Variants in ESF1 observed in about 807,000 individuals in gnomAD.
ESF1 encodes ESF1 homolog.
A neutral mutation model predicts 92.0 loss-of-function variants in ESF1; 58 were observed. The observed-to-expected ratio is 0.63, with a 90% CI of 0.51 to 0.78. The LOEUF (loss-of-function observed/expected upper bound fraction) is 0.78. Ranked by LOEUF, ESF1 falls within the 30% of genes least tolerant of loss-of-function variation. The probability of loss-of-function intolerance (pLI) is 0.00; values close to 1 mark genes in which losing one functional copy is unlikely to be tolerated. For missense variants in ESF1, 922 were observed against 989.1 expected, an observed-to-expected ratio of 0.93 and a Z score of 0.91; for synonymous variants, 321 against 313.7, an observed-to-expected ratio of 1.02 and a Z score of -0.24.
intron 9 of ESF1, among the ~76,000 whole-genome samples, chr20:13,753,917 G>A (rs919499219): frequency 3.3e-5 from 5 of 152,174 alleles, no homozygotes; most frequent in African/African-American, 9.7e-5. Flanking sequence ...GGACCACTAG[G>A]CATAAGTTAA....
At position 13,728,365 on chromosome 20, in the gene ESF1, T is replaced by C. The variant is rs1466942067; in HGVS notation, c.2038+13A>G. On this transcript the variant is annotated intron_variant, in intron 11 of 13. Coordinates refer to ENST00000617257, the MANE Select transcript of ESF1 (RefSeq NM_001276380.2). The stretch of plus-strand genomic sequence containing the variant: ...AGATTCCAGTTGAAAACTACAGATA[T>C]GAGCTGGCTTACCTATTTGTTTAAC... 3.8e-6 allele frequency: 6 copies of C among 1,594,024 alleles called. No individual in the cohort carries two copies. The highest frequency in any genetic ancestry group is 1.7e-5 in the Admixed American group (1 of 57,154).
At chr20:13,756,575 T>C (rs543842283) in intron 9 of ESF1, among the ~76,000 whole-genome samples, 6 of 152,276 alleles carry the variant, frequency 3.9e-5, no homozygotes, top group Admixed American at 1.3e-4. Context: ...CCTATGAAAA[T>C]AATTCAAAAT....
chr20:13,782,748 T>C lies in ESF1; in HGVS notation c.393A>G (p.Leu131=). 2.5e-6 allele frequency: 4 copies of C among 1,595,754 alleles called. No individual in the cohort carries two copies. Among genetic ancestry groups the C allele is most frequent in the Non-Finnish European group, 3.4e-6 (4 of 1,174,952 alleles). The part of the protein sequence containing the change: ...NHKGSENKTD[L]DNSIGIKKMK... Reference sequence around the variant, plus strand: ...TTTTTTTAATTCCTATAGAATTATCTAAATCAGTTTTATTTTCAGAACCCT... The same window carrying C: ...TTTTTTTAATTCCTATAGAATTATCCAAATCAGTTTTATTTTCAGAACCCT... Residue 131 remains leucine (L), a synonymous_variant, in exon 2 of 14, where the codon TTA becomes TTG. Coordinates refer to ENST00000617257, the MANE Select transcript of ESF1 (RefSeq NM_001276380.2).
intron 8 of ESF1, among the ~76,000 whole-genome samples, chr20:13,766,053 T>G (rs1979412690): frequency 1.3e-5 from 2 of 152,124 alleles, no homozygotes; most frequent in Admixed American, 6.5e-5. Flanking sequence ...GAAAAGACAA[T>G]TAGTGATCTG....
At chr20:13,745,952 T>C (rs762671287) in intron 9 of ESF1, among the ~76,000 whole-genome samples, 3 of 152,124 alleles carry the variant, frequency 2.0e-5, no homozygotes, top group Non-Finnish European at 4.4e-5. Context: ...TGTCTGTGGC[T>C]GTATGTGTTC....
In ESF1 at chr20:13,771,369, G is replaced by A. The variant is rs147328501; in HGVS notation, c.1365C>T (p.Gly455=). The A allele has an allele frequency of 2.5e-5, 40 of 1,612,278 alleles. No individual in the cohort carries two copies. In the African/African-American group the frequency reaches 4.8e-4, roughly 19 times the overall value. The change falls in exon 6 of 14, where the codon GGC becomes GGT. Residue 455 remains glycine (G), a synonymous_variant. Transcript: ENST00000617257. ...AAGAACAACTACTTTCAAATTCCAG[G>A]CCATCACAATCCTCATAAATTTTAC... The part of the protein sequence containing the change: ...TASKIYEDCD[G]LEFESSCSFI...
chr20:13,775,078 T>C, intron 4 of ESF1, 79 bp downstream of exon 4: 2 of 839,390 alleles, frequency 2.4e-6, no homozygotes, highest in Non-Finnish European at 3.5e-6. Flanking sequence ...AGGAAAACTA[T>C]GGCCAAAAAA....
Position 13,776,258 on chromosome 20 carries a change from A to AT in ESF1, c.649dup (p.Ile217AsnfsTer7). 1 of 1,611,916 alleles carries AT rather than the reference A, an allele frequency of 6.2e-7. No homozygotes were observed. Among genetic ancestry groups the AT allele is most frequent in the Non-Finnish European group, 8.5e-7 (1 of 1,179,196 alleles). ...ATAACCATCACTGTCTCTTGTCATTATGAGTTGAACCACTGCAAAATGTTA... is the reference window on the plus strand; with the variant it reads ...ATAACCATCACTGTCTCTTGTCATTATTGAGTTGAACCACTGCAAAATGTTA... On this transcript the variant is annotated frameshift_variant, in exon 3 of 14. Coordinates refer to ENST00000617257, the MANE Select transcript of ESF1 (RefSeq NM_001276380.2). LOFTEE classifies it high-confidence loss of function.
At chr20:13,726,293 CA>C (rs1333882111) in intron 11 of ESF1, among the ~76,000 whole-genome samples, 1 of 152,198 alleles carries the variant, frequency 6.6e-6, no homozygotes, top group Non-Finnish European at 1.5e-5. Flanking sequence ...CAAAGCCCTA[CA>C]GGGGTAGTTT....
At chr20:13,764,917 T>TAAAAAA (rs141430960) in intron 8 of ESF1, among the ~76,000 whole-genome samples, 3 of 143,604 alleles carry the variant, frequency 2.1e-5, no homozygotes, top group African/African-American at 7.7e-5. Flanking sequence ...TTTCAAACAT[T>TAAAAAA]AAAAAAAAAA....
chr20:13,744,624 T>C (rs2050036273), intron 9 of ESF1, among the ~76,000 whole-genome samples: 1 of 152,210 alleles, frequency 6.6e-6, no homozygotes, highest in Non-Finnish European at 1.5e-5. Context: ...TTATTATTCT[T>C]GGACACATCA....
At chr20:13,730,662 G>A (rs867230596) in intron 10 of ESF1, among the ~76,000 whole-genome samples, 21 of 151,600 alleles carry the variant, frequency 1.4e-4, no homozygotes, top group African/African-American at 5.1e-4. Context: ...GGGTTTACAA[G>A]CATGAGCCAC....
chr20:13,729,445 G>A (rs2049927097), intron 10 of ESF1, among the ~76,000 whole-genome samples: 1 of 152,162 alleles, frequency 6.6e-6, no homozygotes, highest in African/African-American at 2.4e-5. Flanking sequence ...TTCAAGATAG[G>A]AAGGGTTAGG....
At chr20:13,772,048 G>C (rs941060840) in intron 5 of ESF1, among the ~76,000 whole-genome samples, 1 of 149,814 alleles carries the variant, frequency 6.7e-6, no homozygotes, top group African/African-American at 2.5e-5. Context: ...GCTCCACCTA[G>C]TGGCTTAAAA....
intron 8 of ESF1, among the ~76,000 whole-genome samples, chr20:13,761,547 A>T (rs1979203011): frequency 6.6e-6 from 1 of 152,182 alleles, no homozygotes; most frequent in Admixed American, 6.5e-5. Context: ...GCAGCTATTC[A>T]GCCTGAAGAG....
chr20:13,746,527 A>T (rs2050049676), intron 9 of ESF1, among the ~76,000 whole-genome samples: 1 of 152,090 alleles, frequency 6.6e-6, no homozygotes, highest in African/African-American at 2.4e-5. Context: ...ATCACAATAA[A>T]CTGTTAATGC....
chr20:13,731,208 G>A lies in ESF1; in HGVS notation c.1950+2513C>T, dbSNP rs539175598. On this transcript the variant is annotated intron_variant, in intron 10 of 13. Transcript: ENST00000617257. Reference sequence around the variant, plus strand: ...AATGACTACTTTATTGACCCCATGAGGGCCCACTTGAGACATCTCCAATAA... The same window carrying A: ...AATGACTACTTTATTGACCCCATGAAGGCCCACTTGAGACATCTCCAATAA... 7.1e-4 allele frequency among the ~76,000 whole-genome samples: 108 copies of A among 152,240 alleles called. 1 individual carries two copies. The highest frequency in any genetic ancestry group is 2.4e-3 in the African/African-American group (99 of 41,534).
rs140261012 is a variant in ESF1, at chr20:13,733,194, C to T, written c.1950+527G>A. On this transcript the variant is annotated intron_variant, in intron 10 of 13. Transcript: ENST00000617257. ...ACCTGCCTTGGCCTCCCAAAGTGCA[C>T]GGATTACAGGCATAAGCCACCACAC... Among the ~76,000 whole-genome samples, 58 of 151,968 alleles carry T rather than the reference C, an allele frequency of 3.8e-4. No individual in the cohort carries two copies. In the East Asian group the frequency reaches 7.5e-3, roughly 20 times the overall value.
chr20:13,734,412 CT>C (rs1445870470), intron 9 of ESF1, among the ~76,000 whole-genome samples: 3 of 152,140 alleles, frequency 2.0e-5, no homozygotes, highest in African/African-American at 7.2e-5. Context: ...TCTGTGAGGC[CT>C]CATAGAAAAG....
Sources: gnomAD v4.1 joint callset for allele counts (sites outside exome capture counted in the v4.1 genomes callset) on GRCh38, gnomAD v4.1.1 for gene constraint, MANE v1.5 for transcripts, NCBI Gene and HGNC (gene_info 2026-07-23, HGNC 2026-07-21) for gene names.